EFNA5: variants seen among roughly 807,000 people sequenced by gnomAD.
The protein encoded by EFNA5 is ephrin-A5.
EFNA5 carries 5 observed loss-of-function variants against 22.9 expected under a neutral mutation model. The observed-to-expected ratio is 0.22, with a 90% CI of 0.11 to 0.46. The LOEUF (loss-of-function observed/expected upper bound fraction) is 0.46. EFNA5 is among the 20% of genes least tolerant of loss of function. EFNA5 has a pLI of 0.99. For missense variants in EFNA5, 237 were observed against 293.3 expected, an observed-to-expected ratio of 0.81 and a Z score of 1.40; for synonymous variants, 113 against 112.2, an observed-to-expected ratio of 1.01 and a Z score of -0.04.
Position 107,596,176 on chromosome 5 carries a change from T to C in EFNA5, c.125+74313A>G, listed in dbSNP as rs141127462. 9.1e-4 allele frequency among the ~76,000 whole-genome samples: 138 copies of C among 152,330 alleles called. 1 individual carries two copies. In the East Asian group the frequency reaches 0.025, roughly 27 times the overall value. ...ATAAAATTTATCATTTTAGCCATTT[T>C]AAGTGTACAGTACAGTAGTGTTAAT... On this transcript the variant is annotated intron_variant, in intron 1 of 4. Coordinates refer to ENST00000333274, the MANE Select transcript of EFNA5 (RefSeq NM_001962.3).
chr5:107,521,068 T>C (rs1314780343), intron 1 of EFNA5, among the ~76,000 whole-genome samples: 3 of 152,150 alleles, frequency 2.0e-5, no homozygotes, highest in Admixed American at 2.0e-4. Flanking sequence ...AGATGCTCCT[T>C]TGACTTATGA....
chr5:107,433,422 C>T (rs17448944), intron 1 of EFNA5, among the ~76,000 whole-genome samples: 40,904 of 152,044 alleles, frequency 0.27, 6,475 homozygotes, highest in South Asian at 0.45. Context: ...CCAGAGGCCA[C>T]CTGGAGCATT....
At chr5:107,485,139 T>C (rs1210306939) in intron 1 of EFNA5, among the ~76,000 whole-genome samples, 1 of 152,190 alleles carries the variant, frequency 6.6e-6, no homozygotes, top group African/African-American at 2.4e-5. Flanking sequence ...CCTAATCCTG[T>C]TCTTTTTCCT....
At chr5:107,502,516 T>C (rs1052923023) in intron 1 of EFNA5, among the ~76,000 whole-genome samples, 2 of 152,330 alleles carry the variant, frequency 1.3e-5, no homozygotes, top group Admixed American at 1.3e-4. Context: ...CTCATTACAT[T>C]ACGAAGCACA....
chr5:107,624,008 C>T (rs1044924158), intron 1 of EFNA5, among the ~76,000 whole-genome samples: 3 of 151,822 alleles, frequency 2.0e-5, no homozygotes, highest in African/African-American at 4.8e-5. Flanking sequence ...AATTCACATT[C>T]TTAAAATAGA....
At chr5:107,402,258 T>C (rs1407537529) in intron 2 of EFNA5, among the ~76,000 whole-genome samples, 1 of 152,196 alleles carries the variant, frequency 6.6e-6, no homozygotes, top group African/African-American at 2.4e-5. Context: ...ATTACAAGGA[T>C]GGCATCTAAT....
At position 107,379,815 on chromosome 5, in the gene EFNA5, C is replaced by G. The variant is rs1196877970; in HGVS notation, c.*1440G>C. ...TTTCTAAATGTATCAAGGGATACCA[C>G]TTTTTCTCACAAGTTTAAATAGGAC... On this transcript the variant is annotated 3_prime_UTR_variant, in exon 5 of 5. Transcript: ENST00000333274. The G allele has an allele frequency of 6.6e-6, 1 of 151,894 alleles. No individual in the cohort carries two copies. Among genetic ancestry groups the G allele is most frequent in the Non-Finnish European group, 1.5e-5 (1 of 68,012 alleles). 9.4% of individuals were successfully genotyped at this position (151,894 alleles called of 1,614,324 possible). A position where few individuals can be genotyped will look rare whatever the true frequency, so the allele number is the denominator to read the frequency against.
chr5:107,654,356 T>G (rs992185024), intron 1 of EFNA5, among the ~76,000 whole-genome samples: 2 of 152,160 alleles, frequency 1.3e-5, no homozygotes, highest in African/African-American at 4.8e-5. Flanking sequence ...AACTTTTTTT[T>G]TAAAGGTCAA....
chr5:107,615,798 G>A (rs558599335), intron 1 of EFNA5, among the ~76,000 whole-genome samples: 28 of 152,236 alleles, frequency 1.8e-4, no homozygotes, highest in Admixed American at 5.9e-4. Context: ...GGGGTCGCTC[G>A]TCCATCTTTT....
At chr5:107,496,342 AAAAAAAAAAAAC>A (rs1202519999) in intron 1 of EFNA5, among the ~76,000 whole-genome samples, 1 of 149,510 alleles carries the variant, frequency 6.7e-6, no homozygotes, top group African/African-American at 2.5e-5. Flanking sequence ...ATCTCAAAAA[AAAAAAAAAAAAC>A]AAAAAAACAA....
At chr5:107,655,044 A>G (rs1043145552) in intron 1 of EFNA5, among the ~76,000 whole-genome samples, 1 of 152,142 alleles carries the variant, frequency 6.6e-6, no homozygotes, top group Non-Finnish European at 1.5e-5. Context: ...AGCCTGGCTA[A>G]GATGCAGTCT....
At chr5:107,628,808 T>C (rs1750188752) in intron 1 of EFNA5, among the ~76,000 whole-genome samples, 1 of 152,164 alleles carries the variant, frequency 6.6e-6, no homozygotes, top group Non-Finnish European at 1.5e-5. Flanking sequence ...AGAAAGGTAG[T>C]ATTTTTGAGG....
intron 2 of EFNA5, among the ~76,000 whole-genome samples, chr5:107,397,427 T>C (rs1452025104): frequency 6.6e-6 from 1 of 152,022 alleles, no homozygotes; most frequent in Non-Finnish European, 1.5e-5. Flanking sequence ...CAGGCGCCTG[T>C]AATCCCAGCT....
chr5:107,452,872 A>G (rs1749596810), intron 1 of EFNA5, among the ~76,000 whole-genome samples: 2 of 152,212 alleles, frequency 1.3e-5, no homozygotes, highest in Non-Finnish European at 2.9e-5. Flanking sequence ...ATGCATACAC[A>G]GAAAGGCTTA....
At chr5:107,592,584 T>C (rs1749398815) in intron 1 of EFNA5, among the ~76,000 whole-genome samples, 1 of 152,190 alleles carries the variant, frequency 6.6e-6, no homozygotes, top group Non-Finnish European at 1.5e-5. Flanking sequence ...CAATATGTTA[T>C]CTCTTAGCTT....
intron 1 of EFNA5, among the ~76,000 whole-genome samples, chr5:107,569,429 GTA>G (rs1257415667): frequency 3.4e-4 from 46 of 134,356 alleles, no homozygotes; most frequent in African/African-American, 1.2e-3. Context: ...GTATATGTGT[GTA>G]TATATATATT....
At chr5:107,406,836 G>A (rs927219644) in intron 2 of EFNA5, among the ~76,000 whole-genome samples, 1 of 152,184 alleles carries the variant, frequency 6.6e-6, no homozygotes, top group Non-Finnish European at 1.5e-5. Context: ...GAAGGAATCA[G>A]TGAATGAAAG....
chr5:107,663,455 T>C (rs1484432464), intron 1 of EFNA5, among the ~76,000 whole-genome samples: 3 of 152,152 alleles, frequency 2.0e-5, no homozygotes, highest in African/African-American at 7.2e-5. Flanking sequence ...CATATACATA[T>C]TTGCTAACAT....
chr5:107,551,279 T>C (rs1001759805), intron 1 of EFNA5, among the ~76,000 whole-genome samples: 1 of 152,190 alleles, frequency 6.6e-6, no homozygotes, highest in Non-Finnish European at 1.5e-5. Flanking sequence ...GTCAAGGGTC[T>C]GCCAGTGTTT....
Sources: allele counts gnomAD v4.1 joint callset (sites outside exome capture counted in the v4.1 genomes callset), GRCh38; gene constraint gnomAD v4.1.1; transcripts MANE v1.5; gene names NCBI Gene and HGNC (gene_info 2026-07-23, HGNC 2026-07-21).